GRIK1: variants seen among roughly 807,000 people sequenced by gnomAD.
The protein encoded by GRIK1 is glutamate ionotropic receptor kainate type subunit 1, also known as glutamate receptor ionotropic, kainate 1.
GRIK1 carries 69 observed loss-of-function variants against 105.7 expected under a neutral mutation model. That is an observed-to-expected ratio of 0.65 (90% CI 0.54 to 0.80). The LOEUF is 0.80. Among genes scored for constraint, GRIK1 ranks in the 30% least tolerant of loss-of-function variants. The probability of loss-of-function intolerance (pLI) is 0.00; values close to 1 mark genes in which losing one functional copy is unlikely to be tolerated. For missense variants in GRIK1, 1,109 were observed against 1,167.3 expected (o/e 0.95, Z 0.73); for synonymous variants, 438 against 431.3 (o/e 1.02, Z -0.19).
At chr21:29,936,475 CAACT>C (rs1410399140) in intron 1 of GRIK1, among the ~76,000 whole-genome samples, 10 of 152,160 alleles carry the variant, frequency 6.6e-5, no homozygotes, top group Non-Finnish European at 5.9e-5. Context: ...TTACATATGT[CAACT>C]AACTGGTTGT....
At chr21:29,682,145 A>T (rs1398119336) in intron 3 of GRIK1, among the ~76,000 whole-genome samples, 1 of 152,230 alleles carries the variant, frequency 6.6e-6, no homozygotes, top group Non-Finnish European at 1.5e-5. Context: ...TCTTTCAGTG[A>T]TGCTAAAGTT....
rs543475819 is a variant in GRIK1 at position 29,636,487 on chromosome 21, A to G, written c.1098+6339T>C. Among the ~76,000 whole-genome samples the G allele has an allele frequency of 3.9e-5, 6 of 152,368 alleles. No homozygotes were observed. The East Asian group carries it at 9.6e-4, about 24-fold the overall frequency. ...ATCTGACAGTGGAGCTATTTTAACA[A>G]TAATAGATTTAACAGGCAAAAAAAT... On this transcript the variant is annotated intron_variant, in intron 7 of 17. Transcript: ENST00000327783.
chr21:29,822,816 T>A lies in GRIK1; in HGVS notation c.118+116567A>T, dbSNP rs1021543913. 2.0e-5 allele frequency among the ~76,000 whole-genome samples: 3 copies of A among 151,992 alleles called. 1 individual carries two copies. Among genetic ancestry groups the A allele is most frequent in the Non-Finnish European group, 2.9e-5 (2 of 67,952 alleles). ...AGACTTCTTTTATATGCAAGAGAAATAAGCCTCTATTTTTACTAGCTTGCT... is the reference window on the plus strand; with the variant it reads ...AGACTTCTTTTATATGCAAGAGAAAAAAGCCTCTATTTTTACTAGCTTGCT... On this transcript the variant is annotated intron_variant, in intron 1 of 17. Coordinates refer to ENST00000327783, the MANE Select transcript of GRIK1 (RefSeq NM_001330994.2).
intron 12 of GRIK1, among the ~76,000 whole-genome samples, chr21:29,586,938 C>T (rs1488579125): frequency 1.3e-5 from 2 of 152,054 alleles, no homozygotes; most frequent in African/African-American, 4.8e-5. Flanking sequence ...CTTTTTACTC[C>T]ACTGTTTTTT....
At chr21:29,805,145 C>G (rs1480860649) in intron 1 of GRIK1, among the ~76,000 whole-genome samples, 1 of 152,102 alleles carries the variant, frequency 6.6e-6, no homozygotes, top group Non-Finnish European at 1.5e-5. Flanking sequence ...ACCACCCCTC[C>G]ACCCCCTGCA....
At chr21:29,799,482 C>T (rs1411080500) in intron 1 of GRIK1, among the ~76,000 whole-genome samples, 1 of 151,648 alleles carries the variant, frequency 6.6e-6, no homozygotes, top group Admixed American at 6.6e-5. Flanking sequence ...TCCAGAGCCC[C>T]AGAGCCCAGG....
chr21:29,564,068 T>TTACA (rs1426927905), intron 14 of GRIK1, among the ~76,000 whole-genome samples: 5 of 152,256 alleles, frequency 3.3e-5, no homozygotes, highest in African/African-American at 1.2e-4. Context: ...TGCTAGTTAG[T>TTACA]TACATATTAA....
chr21:29,770,499 G>T (rs924471557), intron 1 of GRIK1, among the ~76,000 whole-genome samples: 1 of 152,186 alleles, frequency 6.6e-6, no homozygotes, highest in African/African-American at 2.4e-5. Context: ...TGCACATGTA[G>T]CCACCACTGT....
At chr21:29,644,269 T>C (rs1984185989) in intron 6 of GRIK1, among the ~76,000 whole-genome samples, 1 of 152,224 alleles carries the variant, frequency 6.6e-6, no homozygotes, top group Non-Finnish European at 1.5e-5. Flanking sequence ...TCATTGTATT[T>C]TCCATCTATT....
At chr21:29,860,170 C>T (rs561971277) in intron 1 of GRIK1, among the ~76,000 whole-genome samples, 1 of 152,268 alleles carries the variant, frequency 6.6e-6, no homozygotes, top group East Asian at 1.9e-4. Context: ...AGTAAGATGC[C>T]TGGTGTCTAA....
intron 1 of GRIK1, among the ~76,000 whole-genome samples, chr21:29,812,541 T>G (rs921655250): frequency 6.6e-6 from 1 of 152,184 alleles, no homozygotes; most frequent in African/African-American, 2.4e-5. Flanking sequence ...AACATCTGTC[T>G]CAAAGACCCC....
chr21:29,821,610 A>T (rs2067309962), intron 1 of GRIK1, among the ~76,000 whole-genome samples: 1 of 152,042 alleles, frequency 6.6e-6, no homozygotes, highest in Non-Finnish European at 1.5e-5. Flanking sequence ...TATTCGTAAC[A>T]CTTAAGTTCC....
At chr21:29,838,529 G>T (rs2067875488) in intron 1 of GRIK1, among the ~76,000 whole-genome samples, 1 of 152,202 alleles carries the variant, frequency 6.6e-6, no homozygotes, top group Non-Finnish European at 1.5e-5. Flanking sequence ...CTCTCCGGGA[G>T]TTCTGGCTCC....
At chr21:29,737,499 G>A (rs1427514489) in intron 1 of GRIK1, among the ~76,000 whole-genome samples, 3 of 152,228 alleles carry the variant, frequency 2.0e-5, no homozygotes, top group Admixed American at 6.5e-5. Flanking sequence ...GCACATTCCA[G>A]AAGGAGACGT....
chr21:29,931,489 C>T (rs2071562130), intron 1 of GRIK1, among the ~76,000 whole-genome samples: 1 of 152,162 alleles, frequency 6.6e-6, no homozygotes, highest in Admixed American at 6.6e-5. Flanking sequence ...GCATAATCTA[C>T]CACTGCTGAT....
intron 4 of GRIK1, among the ~76,000 whole-genome samples, chr21:29,665,432 A>G (rs978917240): frequency 6.6e-6 from 1 of 152,242 alleles, no homozygotes; most frequent in African/African-American, 2.4e-5. Context: ...CATACTACAA[A>G]TTATCATCAA....
chr21:29,838,944 A>G (rs1275187399), intron 1 of GRIK1, among the ~76,000 whole-genome samples: 1 of 152,366 alleles, frequency 6.6e-6, no homozygotes, highest in Non-Finnish European at 1.5e-5. Context: ...TTTGGTGGAC[A>G]AGATGGAAAA....
intron 17 of GRIK1, 200 bp from the exon 18 acceptor site, chr21:29,537,585 G>T: frequency 1.5e-6 from 1 of 670,008 alleles, no homozygotes; most frequent in Admixed American, 2.7e-5. Context: ...TGGCAAGTTA[G>T]CTGGGCAAAC....
chr21:29,806,207 T>G (rs929224350), intron 1 of GRIK1, among the ~76,000 whole-genome samples: 22 of 152,284 alleles, frequency 1.4e-4, no homozygotes, highest in African/African-American at 5.3e-4. Flanking sequence ...ATCTATAATC[T>G]GCTATCATAT....
Sources: gnomAD v4.1 joint callset for allele counts (sites outside exome capture counted in the v4.1 genomes callset) on GRCh38, gnomAD v4.1.1 for gene constraint, MANE v1.5 for transcripts, NCBI Gene and HGNC (gene_info 2026-07-23, HGNC 2026-07-21) for gene names.